The following STYK1 variants were observed in gnomAD, a reference collection of about 807,000 sequenced individuals.
The protein encoded by STYK1 is STY kinase 1.
STYK1 carries 46 observed loss-of-function variants against 48.1 expected under a neutral mutation model. That is an observed-to-expected ratio of 0.96 (90% CI 0.75 to 1.22). The LOEUF is 1.22. Ranked by LOEUF, STYK1 falls within the 50% of genes most tolerant of loss-of-function variation. STYK1 has a pLI of 0.00. For missense variants in STYK1, 527 were observed against 521.1 expected, an observed-to-expected ratio of 1.01 and a Z score of -0.11; for synonymous variants, 188 against 189.0, an observed-to-expected ratio of 0.99 and a Z score of 0.04.
At chr12:10,643,158 C>T (rs544693874) in intron 1 of STYK1, among the ~76,000 whole-genome samples, 3 of 152,344 alleles carry the variant, frequency 2.0e-5, no homozygotes, top group African/African-American at 7.2e-5. Flanking sequence ...GGAGCCCTCA[C>T]CTGAATGCCA....
intron 9 of STYK1, among the ~76,000 whole-genome samples, chr12:10,622,195 T>C (rs1390465316): frequency 4.6e-5 from 7 of 152,170 alleles, no homozygotes; most frequent in Non-Finnish European, 8.8e-5. Context: ...AGGAGAATCT[T>C]GAATCTCTAA....
At chr12:10,622,717 C>G (rs1403865312) in intron 8 of STYK1, 39 bp from the exon 9 acceptor site, 1 of 1,612,992 alleles carries the variant, frequency 6.2e-7, no homozygotes, top group Admixed American at 1.7e-5. Flanking sequence ...ATTTCTATTT[C>G]TGTTTTTCTA....
Position 10,622,649 on chromosome 12 carries a change from A to G in STYK1, c.956T>C (p.Met319Thr). 1 of 1,614,026 alleles carries G rather than the reference A, an allele frequency of 6.2e-7. No homozygotes were observed. Among genetic ancestry groups the G allele is most frequent in the Non-Finnish European group, 8.5e-7 (1 of 1,179,918 alleles). ...GGGCTCATCCTTACCTAGAGTCACCATCTCATAGAGCAGGATCCCAAAAGA... is the reference window on the plus strand; with the variant it reads ...GGGCTCATCCTTACCTAGAGTCACCGTCTCATAGAGCAGGATCCCAAAAGA... ...VWSFGILLYEMVTLGAPPYPE... is the reference protein window; with the variant it reads ...VWSFGILLYETVTLGAPPYPE... The change falls in exon 9 of 11, where the codon ATG (methionine) becomes ACG (threonine). Residue 319 changes from methionine to threonine, a missense_variant. Met to Thr is a moderately conservative substitution (Grantham distance 81). Transcript: ENST00000075503.
chr12:10,652,926 T>A (rs1367989384), intron 1 of STYK1, among the ~76,000 whole-genome samples: 1 of 152,190 alleles, frequency 6.6e-6, no homozygotes, highest in Non-Finnish European at 1.5e-5. Flanking sequence ...ACCTAAATTA[T>A]TTCTCAATGG....
chr12:10,641,422 C>T (rs3782671), intron 1 of STYK1, among the ~76,000 whole-genome samples: 54,848 of 152,044 alleles, frequency 0.36, 10,198 homozygotes, highest in Middle Eastern at 0.42. Flanking sequence ...AGTCTCCCCC[C>T]ATAAGTGAGG....
intron 7 of STYK1, among the ~76,000 whole-genome samples, chr12:10,626,875 T>C (rs542082992): frequency 5.9e-5 from 9 of 152,074 alleles, no homozygotes; most frequent in South Asian, 2.1e-4. Flanking sequence ...GGCGTGGTGG[T>C]GGGCGCCTGT....
At chr12:10,654,877 A>G (rs1418159387) in intron 1 of STYK1, among the ~76,000 whole-genome samples, 1 of 152,174 alleles carries the variant, frequency 6.6e-6, no homozygotes, top group African/African-American at 2.4e-5. Flanking sequence ...GTACAGGATC[A>G]CCAGACACGG....
chr12:10,650,482 C>T (rs1396190658), intron 1 of STYK1, among the ~76,000 whole-genome samples: 1 of 152,222 alleles, frequency 6.6e-6, no homozygotes, highest in Non-Finnish European at 1.5e-5. Context: ...AACATAATTA[C>T]TTTTCAAATC....
chr12:10,643,008 G>C lies in STYK1; in HGVS notation c.-194-5812C>G, dbSNP rs555333833. Among the ~76,000 whole-genome samples, 137 of 152,188 alleles carry C rather than the reference G, an allele frequency of 9.0e-4. 4 individuals carry two copies. In the South Asian group the frequency reaches 0.028, roughly 31 times the overall value. ...AGATCCTGAACCAATTCTGACGGGGGCATTACGGAGATCAGCAGTCTCAGT... is the reference window on the plus strand; with the variant it reads ...AGATCCTGAACCAATTCTGACGGGGCCATTACGGAGATCAGCAGTCTCAGT... On this transcript the variant is annotated intron_variant, in intron 1 of 10. Transcript: ENST00000075503.
At chr12:10,649,115 A>T (rs1050396802) in intron 1 of STYK1, among the ~76,000 whole-genome samples, 31 of 152,196 alleles carry the variant, frequency 2.0e-4, no homozygotes, top group Non-Finnish European at 4.1e-4. Context: ...CCCTTATTTA[A>T]TTTTTTTGAA....
chr12:10,656,519 G>A (rs1226762908), intron 1 of STYK1, among the ~76,000 whole-genome samples: 2 of 152,112 alleles, frequency 1.3e-5, no homozygotes, highest in African/African-American at 4.8e-5. Context: ...CAGCTACTTG[G>A]GAGGCTGAGG....
At chr12:10,642,481 A>G (rs1947555816) in intron 1 of STYK1, among the ~76,000 whole-genome samples, 1 of 152,178 alleles carries the variant, frequency 6.6e-6, no homozygotes, top group South Asian at 2.1e-4. Context: ...GATCATCAAT[A>G]TGTGTTAGTC....
intron 1 of STYK1, among the ~76,000 whole-genome samples, chr12:10,660,762 GC>G (rs972851577): frequency 1.3e-4 from 20 of 152,234 alleles, no homozygotes; most frequent in African/African-American, 4.8e-4. Flanking sequence ...AAGAGACACT[GC>G]CACCAGTGTC....
chr12:10,646,425 T>C (rs1947599933), intron 1 of STYK1, among the ~76,000 whole-genome samples: 1 of 152,212 alleles, frequency 6.6e-6, no homozygotes, highest in African/African-American at 2.4e-5. Context: ...TGTAGAACTT[T>C]GAACTTGAGG....
At chr12:10,630,408 GAA>G (rs1947413526) in intron 5 of STYK1, among the ~76,000 whole-genome samples, 1 of 91,858 alleles carries the variant, frequency 1.1e-5, no homozygotes, top group African/African-American at 3.6e-5. Context: ...AAAGAAAAAA[GAA>G]ATATAATATC....
intron 1 of STYK1, among the ~76,000 whole-genome samples, chr12:10,645,638 C>A (rs1947590582): frequency 6.6e-6 from 1 of 152,164 alleles, no homozygotes. Flanking sequence ...AAGAAGTCAG[C>A]AAGAATCAAA....
At chr12:10,644,809 A>T (rs185542292) in intron 1 of STYK1, among the ~76,000 whole-genome samples, 9 of 152,294 alleles carry the variant, frequency 5.9e-5, no homozygotes, top group East Asian at 1.9e-4. Flanking sequence ...TTTAAGTAGA[A>T]TATTAGAAAA....
chr12:10,624,979 T>C, intron 7 of STYK1, 120 bp from the exon 8 acceptor site: 3 of 778,146 alleles, frequency 3.9e-6, no homozygotes, highest in East Asian at 5.0e-5. Flanking sequence ...TGAACAAGTC[T>C]CACTAATAAT....
chr12:10,625,454 T>C (rs1947348041), intron 7 of STYK1, among the ~76,000 whole-genome samples: 1 of 152,210 alleles, frequency 6.6e-6, no homozygotes, highest in African/African-American at 2.4e-5. Flanking sequence ...CCTGACCTTG[T>C]GATCTGCCCT....
Sources: gnomAD v4.1 joint callset for allele counts (sites outside exome capture counted in the v4.1 genomes callset) on GRCh38, gnomAD v4.1.1 for gene constraint, MANE v1.5 for transcripts, NCBI Gene and HGNC (gene_info 2026-07-23, HGNC 2026-07-21) for gene names.